The following FBN1 variants were observed in gnomAD, a reference collection of about 807,000 sequenced individuals.
The protein encoded by FBN1 is fibrillin 1, also known as fibrillin-1.
FBN1 carries 29 observed loss-of-function variants against 365.1 expected under a neutral mutation model. The ratio of observed to expected loss-of-function variants is 0.08; its 90% CI spans 0.06 to 0.11. The LOEUF (loss-of-function observed/expected upper bound fraction) is 0.11, where lower values mean the gene tolerates loss of function less well. Ranked by LOEUF, FBN1 falls within the 10% of genes least tolerant of loss-of-function variation. FBN1 has a pLI of 1.00. For missense variants in FBN1, 2,476 were observed against 3,703.2 expected (o/e 0.67, Z 8.60); for synonymous variants, 1,210 against 1,270.5 (o/e 0.95, Z 1.01).
chr15:48,559,844 C>T (rs941349328), intron 6 of FBN1, among the ~76,000 whole-genome samples: 13 of 152,154 alleles, frequency 8.5e-5, no homozygotes, highest in African/African-American at 1.4e-4. Flanking sequence ...ATTTTACCAA[C>T]AAAATCCTAT....
At chr15:48,467,279 C>T (rs1479151518) in intron 38 of FBN1, among the ~76,000 whole-genome samples, 2 of 152,100 alleles carry the variant, frequency 1.3e-5, no homozygotes, top group Non-Finnish European at 2.9e-5. Context: ...TCTAGGTACT[C>T]AACAAATATT....
chr15:48,525,926 T>C (rs990833194), intron 9 of FBN1, among the ~76,000 whole-genome samples: 3 of 152,160 alleles, frequency 2.0e-5, no homozygotes, highest in African/African-American at 7.2e-5. Context: ...CATCCCTCTT[T>C]TATGGGAGGC....
chr15:48,463,813 T>C (rs2043299265), intron 41 of FBN1, 86 bp downstream of exon 41: 1 of 1,418,198 alleles, frequency 7.1e-7, no homozygotes, highest in Admixed American at 2.0e-5. Context: ...ATGAGTAACA[T>C]CACCCTAAGG....
Position 48,412,643 on chromosome 15 carries a change from A to G in FBN1, c.8152T>C (p.Cys2718Arg). ...CGTTTGGGGTAGCCATTGATCTTACACTCGTAACAAGCCTCTGGGGAGAGT... is the reference window on the plus strand; with the variant it reads ...CGTTTGGGGTAGCCATTGATCTTACGCTCGTAACAAGCCTCTGGGGAGAGT... ...NSLSPEACYE[C>R]KINGYPKRGR... The change falls in exon 65 of 66, where the codon TGT becomes CGT. Residue 2718 changes from cysteine (C) to arginine (R), a missense_variant. By Grantham distance (180) the Cys-to-Arg change is radical (BLOSUM62 -3). Transcript: ENST00000316623. 6.2e-7 allele frequency: 1 copy of G among 1,614,066 alleles called. No individual in the cohort carries two copies. Among genetic ancestry groups the G allele is most frequent in the Non-Finnish European group, 8.5e-7 (1 of 1,180,006 alleles).
chr15:48,434,250 A>G (rs1417233218), intron 54 of FBN1, among the ~76,000 whole-genome samples: 2 of 152,210 alleles, frequency 1.3e-5, no homozygotes, highest in African/African-American at 2.4e-5. Flanking sequence ...GAAAAGAAAA[A>G]GAAAGGGAGT....
chr15:48,606,213 T>C (rs1013960158), intron 4 of FBN1, among the ~76,000 whole-genome samples: 5 of 152,174 alleles, frequency 3.3e-5, no homozygotes, highest in Non-Finnish European at 7.3e-5. Flanking sequence ...AACTTAGAAA[T>C]TGCATTTCTG....
intron 45 of FBN1, among the ~76,000 whole-genome samples, chr15:48,449,977 T>C (rs989602007): frequency 6.6e-6 from 1 of 152,238 alleles, no homozygotes; most frequent in Non-Finnish European, 1.5e-5. Flanking sequence ...ATTTAGTAGA[T>C]GAATCATCAT....
intron 6 of FBN1, among the ~76,000 whole-genome samples, chr15:48,557,748 T>C (rs989172132): frequency 6.6e-6 from 1 of 152,176 alleles, no homozygotes; most frequent in African/African-American, 2.4e-5. Flanking sequence ...TTTTCCACAG[T>C]AGGGCTCTCT....
At chr15:48,579,077 A>G (rs2044371873) in intron 6 of FBN1, among the ~76,000 whole-genome samples, 1 of 151,986 alleles carries the variant, frequency 6.6e-6, no homozygotes, top group Admixed American at 6.6e-5. Flanking sequence ...TAAAGCTCGC[A>G]GACACTTTCA....
At chr15:48,484,571 A>G (rs1456187377) in intron 30 of FBN1, among the ~76,000 whole-genome samples, 1 of 152,112 alleles carries the variant, frequency 6.6e-6, no homozygotes, top group Non-Finnish European at 1.5e-5. Flanking sequence ...GGGTTTCACC[A>G]TGTTGGTCAG....
intron 10 of FBN1, among the ~76,000 whole-genome samples, chr15:48,518,214 C>G (rs1028193906): frequency 7.2e-5 from 11 of 152,198 alleles, no homozygotes; most frequent in Non-Finnish European, 1.6e-4. Flanking sequence ...GTGATTCTTC[C>G]TATAGATTTA....
chr15:48,423,765 C>A (rs1012186232), intron 60 of FBN1, among the ~76,000 whole-genome samples: 6 of 152,124 alleles, frequency 3.9e-5, no homozygotes, highest in African/African-American at 1.4e-4. Flanking sequence ...GTGCAACTAT[C>A]TGCACTATTC....
In FBN1 at chr15:48,501,880, A is replaced by G. The variant is rs750419171; in HGVS notation, c.2113+1907T>C. On this transcript the variant is annotated intron_variant, in intron 17 of 65. Transcript: ENST00000316623. ...TATAAAGTTATAGGCAAATGTCTTCAACAGAATGGTATTTGTATATAATAA... is the reference window on the plus strand; with the variant it reads ...TATAAAGTTATAGGCAAATGTCTTCGACAGAATGGTATTTGTATATAATAA... Among the ~76,000 whole-genome samples, 25 of 152,242 alleles carry G rather than the reference A, an allele frequency of 1.6e-4. No individual in the cohort carries two copies. The South Asian group carries it at 2.5e-3, about 15-fold the overall frequency.
At chr15:48,424,616 A>T (rs2141225445) in intron 60 of FBN1, among the ~76,000 whole-genome samples, 1 of 152,298 alleles carries the variant, frequency 6.6e-6, no homozygotes, top group South Asian at 2.1e-4. Flanking sequence ...ATTTCCTTCA[A>T]AGTTTCATGG....
chr15:48,579,832 T>A (rs191497131), intron 6 of FBN1, among the ~76,000 whole-genome samples: 9 of 152,348 alleles, frequency 5.9e-5, no homozygotes, highest in Non-Finnish European at 1.3e-4. Flanking sequence ...AACTGTGGTA[T>A]GTGGTAGGGT....
At chr15:48,579,712 GCTA>G (rs1231935617) in intron 6 of FBN1, among the ~76,000 whole-genome samples, 1 of 152,176 alleles carries the variant, frequency 6.6e-6, no homozygotes, top group Non-Finnish European at 1.5e-5. Context: ...AAGTGAAAAA[GCTA>G]CTAAGTTATA....
At chr15:48,553,799 G>C (rs2044160300) in intron 6 of FBN1, among the ~76,000 whole-genome samples, 1 of 152,114 alleles carries the variant, frequency 6.6e-6, no homozygotes, top group Non-Finnish European at 1.5e-5. Flanking sequence ...ATAATTATGA[G>C]CTGGTTGTGC....
chr15:48,432,046 C>T (rs1225916657), intron 55 of FBN1, among the ~76,000 whole-genome samples: 3 of 152,162 alleles, frequency 2.0e-5, no homozygotes, highest in Non-Finnish European at 4.4e-5. Context: ...ATCTTATTCT[C>T]TACTGGTTCT....
Position 48,481,323 on chromosome 15 carries a change from G to A in FBN1, c.3964+332C>T, listed in dbSNP as rs543979817. On this transcript the variant is annotated intron_variant, in intron 32 of 65. Transcript: ENST00000316623. ...GAGGTTATTGGAAAAGGCTTGCTTC[G>A]GTGAAGGGCCATGAATATTTGGTAA... Among the ~76,000 whole-genome samples, 6 of 152,188 alleles carry A rather than the reference G, an allele frequency of 3.9e-5. No homozygotes were observed. In the South Asian group the frequency reaches 6.2e-4, roughly 16 times the overall value.
Sources: gnomAD v4.1 joint callset for allele counts (sites outside exome capture counted in the v4.1 genomes callset) on GRCh38, gnomAD v4.1.1 for gene constraint, MANE v1.5 for transcripts, NCBI Gene and HGNC (gene_info 2026-07-23, HGNC 2026-07-21) for gene names.